SOX6: variants seen among roughly 807,000 people sequenced by gnomAD.
The protein encoded by SOX6 is transcription factor SOX-6.
Under a neutral mutation model 97.8 loss-of-function variants are expected in SOX6, and 11 were observed. That is an observed-to-expected ratio of 0.11 (90% CI 0.07 to 0.19). The LOEUF is 0.19. Ranked by LOEUF, SOX6 falls within the 10% of genes least tolerant of loss-of-function variation. SOX6 has a pLI of 1.00. For synonymous variants in SOX6, 360 were observed against 371.4 expected, an observed-to-expected ratio of 0.97 and a Z score of 0.35; for missense variants, 810 against 1,039.5, an observed-to-expected ratio of 0.78 and a Z score of 3.04.
At chr11:16,290,092 C>G (rs1485396372) in intron 3 of SOX6, among the ~76,000 whole-genome samples, 1 of 151,942 alleles carries the variant, frequency 6.6e-6, no homozygotes. Flanking sequence ...GGTTACTACC[C>G]TCAGAATGGA....
At chr11:16,474,399 G>A (rs1860198341) in intron 1 of SOX6, among the ~76,000 whole-genome samples, 1 of 152,096 alleles carries the variant, frequency 6.6e-6, no homozygotes, top group Non-Finnish European at 1.5e-5. Context: ...GGCAACTACA[G>A]CCTTACAAAA....
At chr11:16,618,031 T>C (rs914405911) in intron 3 of SOX6, among the ~76,000 whole-genome samples, 6 of 151,878 alleles carry the variant, frequency 4.0e-5, no homozygotes, top group South Asian at 2.1e-4. Context: ...AGAGATCCTT[T>C]TCATTTAGAA....
chr11:16,040,031 A>T (rs1195580350), intron 12 of SOX6, among the ~76,000 whole-genome samples: 1 of 152,012 alleles, frequency 6.6e-6, no homozygotes, highest in Non-Finnish European at 1.5e-5. Context: ...ATAATTAGTA[A>T]GTTTGCTCCA....
chr11:16,269,010 C>T (rs1270656184), intron 3 of SOX6, among the ~76,000 whole-genome samples: 1 of 150,276 alleles, frequency 6.7e-6, no homozygotes, highest in Non-Finnish European at 1.5e-5. Context: ...AAGAGAAATT[C>T]ACCTATGTTT....
chr11:16,128,675 A>G (rs1458661330), intron 6 of SOX6, among the ~76,000 whole-genome samples: 3 of 152,084 alleles, frequency 2.0e-5, no homozygotes, highest in Non-Finnish European at 4.4e-5. Context: ...TGAAATATAT[A>G]TATATGCCTT....
intron 13 of SOX6, among the ~76,000 whole-genome samples, chr11:15,996,851 C>G (rs1034915224): frequency 6.6e-6 from 1 of 151,990 alleles, no homozygotes; most frequent in Non-Finnish European, 1.5e-5. Flanking sequence ...ATCAAATTAT[C>G]TAATTAAAAG....
chr11:16,617,382 C>T (rs1390222523), intron 3 of SOX6, among the ~76,000 whole-genome samples: 1 of 151,816 alleles, frequency 6.6e-6, no homozygotes, highest in Non-Finnish European at 1.5e-5. Flanking sequence ...CAGCTCAATA[C>T]AAAAACCTCT....
At chr11:16,370,261 T>C (rs937004743) in intron 1 of SOX6, among the ~76,000 whole-genome samples, 1 of 152,150 alleles carries the variant, frequency 6.6e-6, no homozygotes, top group Admixed American at 6.6e-5. Context: ...CTCAGCCTCC[T>C]TTTTTGCTTT....
chr11:16,020,011 G>A (rs1178891016), intron 12 of SOX6, among the ~76,000 whole-genome samples: 1 of 152,060 alleles, frequency 6.6e-6, no homozygotes, highest in Non-Finnish European at 1.5e-5. Context: ...TTTTATGAAA[G>A]TTTGATTTCC....
At chr11:16,198,045 GTTGTTGTTGTTGTTGTTGTT>G (rs1851832255) in intron 4 of SOX6, among the ~76,000 whole-genome samples, 1 of 32,976 alleles carries the variant, frequency 3.0e-5, no homozygotes, top group Non-Finnish European at 5.5e-5. Context: ...TGTTGTTGTT[GTTGTTGTTGTTGTTGTTGTT>G]GTTTTGAGAT....
At chr11:16,632,778 A>G (rs184169551) in intron 3 of SOX6, among the ~76,000 whole-genome samples, 3 of 152,338 alleles carry the variant, frequency 2.0e-5, no homozygotes, top group Admixed American at 2.0e-4. Context: ...AGTGGTCCAG[A>G]TGTCCGGAGA....
chr11:15,999,062 A>G (rs1246241760), intron 13 of SOX6, among the ~76,000 whole-genome samples: 1 of 152,170 alleles, frequency 6.6e-6, no homozygotes, highest in African/African-American at 2.4e-5. Context: ...GAATGACCAA[A>G]AAAATCTAAT....
intron 1 of SOX6, among the ~76,000 whole-genome samples, chr11:16,376,474 A>C (rs144762012): frequency 2.8e-4 from 43 of 152,290 alleles, no homozygotes; most frequent in African/African-American, 1.0e-3. Context: ...TGCATGTTTG[A>C]TAGAGTTAGC....
Position 15,989,245 on chromosome 11 carries a change from C to T in SOX6, c.1733-15G>A, listed in dbSNP as rs1379940957. On this transcript the variant is annotated splice_polypyrimidine_tract_variant and intron_variant, in intron 13 of 15. Transcript: ENST00000683767. Reference sequence around the variant, plus strand: ...TGCTTTACTTCCTGTAATGTCAGGGCAGGAAGAACAAGATGAGTGGAAAGC... The same window carrying T: ...TGCTTTACTTCCTGTAATGTCAGGGTAGGAAGAACAAGATGAGTGGAAAGC... 1.9e-6 allele frequency: 3 copies of T among 1,578,600 alleles called. No homozygotes were observed.
At chr11:16,179,691 C>G (rs1017560294) in intron 6 of SOX6, among the ~76,000 whole-genome samples, 8 of 151,738 alleles carry the variant, frequency 5.3e-5, no homozygotes, top group African/African-American at 1.7e-4. Context: ...ACGATTTTAC[C>G]CAAAAAAGAC....
intron 12 of SOX6, among the ~76,000 whole-genome samples, chr11:16,029,316 CGA>C (rs1332570398): frequency 3.9e-5 from 6 of 152,240 alleles, no homozygotes; most frequent in African/African-American, 1.4e-4. Context: ...GATGTGAGAC[CGA>C]GAGACAGTTC....
chr11:16,053,978 A>G (rs1275767854), intron 10 of SOX6, among the ~76,000 whole-genome samples: 2 of 152,194 alleles, frequency 1.3e-5, no homozygotes, highest in Non-Finnish European at 2.9e-5. Flanking sequence ...ACAATAAAAA[A>G]TCTAATAAGT....
intron 3 of SOX6, among the ~76,000 whole-genome samples, chr11:16,653,313 C>T (rs767731247): frequency 1.3e-4 from 20 of 152,116 alleles, no homozygotes; most frequent in Non-Finnish European, 2.2e-4. Flanking sequence ...AAGACACTTG[C>T]GAGCACATTT....
chr11:16,298,122 C>T (rs539152953), intron 3 of SOX6, among the ~76,000 whole-genome samples: 3 of 152,106 alleles, frequency 2.0e-5, no homozygotes, highest in South Asian at 2.1e-4. Flanking sequence ...TACTAATATA[C>T]GTTCTTCTGA....
Sources: gnomAD v4.1 joint callset for allele counts (sites outside exome capture counted in the v4.1 genomes callset) on GRCh38, gnomAD v4.1.1 for gene constraint, MANE v1.5 for transcripts, NCBI Gene and HGNC (gene_info 2026-07-23, HGNC 2026-07-21) for gene names.